ATP6V0A2: variants seen among roughly 807,000 people sequenced by gnomAD.
ATP6V0A2 encodes the protein ATPase H+ transporting V0 subunit a2.
Under a neutral mutation model 104.4 loss-of-function variants are expected in ATP6V0A2, and 58 were observed. That is an observed-to-expected ratio of 0.56 (90% CI 0.45 to 0.69). The LOEUF is 0.69. ATP6V0A2 is among the 30% of genes least tolerant of loss of function. The pLI is 0.00. For synonymous variants in ATP6V0A2, 376 were observed against 397.9 expected (o/e 0.95, Z 0.65); for missense variants, 938 against 1,062.9 (o/e 0.88, Z 1.63).
rs1956377604 is a variant in ATP6V0A2, at chr12:123,719,565, T to TA, written c.196+864_196+865insA. Among the ~76,000 whole-genome samples the TA allele has an allele frequency of 2.0e-5, 3 of 152,118 alleles. No homozygotes were observed. The South Asian group carries it at 6.2e-4, about 32-fold the overall frequency. On this transcript the variant is annotated intron_variant, in intron 2 of 19. Transcript: ENST00000330342. Reference sequence around the variant, plus strand: ...CCACACCTGGCTAATTTTTGTACTTTTAGTAGAGATGGGGTTTTACCATGT... The same window carrying TA: ...CCACACCTGGCTAATTTTTGTACTTTATAGTAGAGATGGGGTTTTACCATGT...
chr12:123,718,259 T>A (rs1203944646), intron 1 of ATP6V0A2, among the ~76,000 whole-genome samples: 1 of 151,924 alleles, frequency 6.6e-6, no homozygotes, highest in African/African-American at 2.4e-5. Context: ...CTTGGCTAAT[T>A]TTTGTGTTTT....
chr12:123,739,495 G>A (rs746145407), intron 9 of ATP6V0A2, among the ~76,000 whole-genome samples: 2 of 152,106 alleles, frequency 1.3e-5, no homozygotes, highest in Non-Finnish European at 2.9e-5. Context: ...CTGTCGCCAA[G>A]ATTGAATTTG....
chr12:123,729,537 G>A (rs73219053), intron 6 of ATP6V0A2, among the ~76,000 whole-genome samples: 5,733 of 152,040 alleles, frequency 0.038, 136 homozygotes, highest in Non-Finnish European at 0.058. Flanking sequence ...CTGTGGGGCC[G>A]AATGGTTCAG....
chr12:123,724,289 C>T (rs933195646), intron 3 of ATP6V0A2: 4 of 198,520 alleles, frequency 2.0e-5, no homozygotes, highest in Admixed American at 1.1e-4. Flanking sequence ...ACAGGGAGGC[C>T]GAGGCGGGTG....
In ATP6V0A2 at chr12:123,759,962, TG is replaced by T. The variant is rs1453777008; in HGVS notation, c.*1933del. The T allele has an allele frequency of 1.3e-5, 2 of 152,242 alleles. No individual in the cohort carries two copies. Among genetic ancestry groups the T allele is most frequent in the Non-Finnish European group, 2.9e-5 (2 of 68,044 alleles). 9.4% of individuals were successfully genotyped at this position (152,242 alleles called of 1,614,324 possible). A position where few individuals can be genotyped will look rare whatever the true frequency, so the allele number is the denominator to read the frequency against. ...AAGGTGTCATGTCGGGCACTTGTGT[TG>T]GGTGACTATGACATCCCAGCAGTGC... is the stretch of plus-strand genomic sequence containing the variant. On this transcript the variant is annotated 3_prime_UTR_variant, in exon 20 of 20. Transcript: ENST00000330342.
At chr12:123,714,203 G>T (rs565077107) in intron 1 of ATP6V0A2, among the ~76,000 whole-genome samples, 1 of 152,204 alleles carries the variant, frequency 6.6e-6, no homozygotes, top group Non-Finnish European at 1.5e-5. Context: ...GAAGGTTCCA[G>T]TTTCAATAAG....
intron 9 of ATP6V0A2, among the ~76,000 whole-genome samples, chr12:123,738,261 G>A (rs1956575096): frequency 6.6e-6 from 1 of 152,132 alleles, no homozygotes; most frequent in Non-Finnish European, 1.5e-5. Flanking sequence ...AATTAGCTGG[G>A]CGGGGTGGCA....
chr12:123,722,664 G>T, intron 3 of ATP6V0A2, among the ~76,000 whole-genome samples: 1 of 152,090 alleles, frequency 6.6e-6, no homozygotes, highest in East Asian at 1.9e-4. Context: ...TTCTTTTACA[G>T]TGTAAGGCAT....
chr12:123,738,493 C>A (rs974221162), intron 9 of ATP6V0A2, among the ~76,000 whole-genome samples: 2 of 152,022 alleles, frequency 1.3e-5, no homozygotes, highest in African/African-American at 4.8e-5. Flanking sequence ...TTTTTCTTAC[C>A]AATTTCTGTT....
chr12:123,746,204 G>A (rs1956660341), intron 13 of ATP6V0A2, among the ~76,000 whole-genome samples: 1 of 151,720 alleles, frequency 6.6e-6, no homozygotes, highest in South Asian at 2.1e-4. Flanking sequence ...TTTTTTTTGG[G>A]AGGCATAGGG....
intron 16 of ATP6V0A2, among the ~76,000 whole-genome samples, chr12:123,751,865 T>TC (rs1371078346): frequency 9.6e-5 from 14 of 146,512 alleles, no homozygotes; most frequent in East Asian, 2.0e-4. Flanking sequence ...TTTCTTTCTT[T>TC]TTTTTTTTTT....
At position 123,761,345 on chromosome 12, in the gene ATP6V0A2, C is replaced by T. The variant is rs1956820939; in HGVS notation, c.*3313C>T. 6.6e-6 allele frequency: 1 copy of T among 152,176 alleles called. No individual in the cohort carries two copies. Among genetic ancestry groups the T allele is most frequent in the Non-Finnish European group, 1.5e-5 (1 of 68,024 alleles). The allele number at this position is 152,176 out of a possible 1,614,324, so 9.4% of individuals were successfully genotyped here. On this transcript the variant is annotated 3_prime_UTR_variant, in exon 20 of 20. Transcript: ENST00000330342. ...CAACTTCTACACCTATTCTACAGTC[C>T]GCATTTAAAACAATAAATTCCTCTA...
intron 6 of ATP6V0A2, among the ~76,000 whole-genome samples, chr12:123,729,761 C>T (rs914748071): frequency 1.3e-5 from 2 of 152,190 alleles, no homozygotes; most frequent in East Asian, 3.9e-4. Flanking sequence ...GATTAATATA[C>T]ATCTCATAGT....
At chr12:123,733,744 C>G (rs372556183) in intron 6 of ATP6V0A2, 182 bp from the exon 7 acceptor site, 1 of 607,170 alleles carries the variant, frequency 1.6e-6, no homozygotes, top group South Asian at 1.9e-5. Flanking sequence ...GGAAGCGCTC[C>G]GTGGATTGGT....
chr12:123,757,318 A>G (rs748923601), intron 19 of ATP6V0A2, among the ~76,000 whole-genome samples: 10 of 152,050 alleles, frequency 6.6e-5, no homozygotes, highest in Non-Finnish European at 1.2e-4. Context: ...TCGTGCGCCT[A>G]TAATACCAGC....
At chr12:123,726,119 A>G in intron 4 of ATP6V0A2, 78 bp from the exon 5 acceptor site, 1 of 1,165,656 alleles carries the variant, frequency 8.6e-7, no homozygotes, top group African/African-American at 1.5e-5. Context: ...TGCCCTATAA[A>G]CTTGTTTGAA....
At position 123,748,729 on chromosome 12, in the gene ATP6V0A2, T is replaced by A. The variant is rs1207935541; in HGVS notation, c.1879T>A (p.Phe627Ile). 1.2e-6 allele frequency: 2 copies of A among 1,614,202 alleles called. No individual in the cohort carries two copies. Among genetic ancestry groups the A allele is most frequent in the East Asian group, 4.5e-5 (2 of 44,888 alleles). ...AGTTGCTCCCAGCATTCTGATTGAA[T>A]TTATTAACATGTTTTTATTCCCAGC... Reference protein sequence around the residue: ...SRVAPSILIEFINMFLFPASK... With the variant: ...SRVAPSILIEIINMFLFPASK... Residue 627 changes from phenylalanine to isoleucine, a missense_variant, in exon 15 of 20, where the codon TTT (phenylalanine) becomes ATT (isoleucine). Transcript: ENST00000330342.
Position 123,724,757 on chromosome 12 carries a change from G to C in ATP6V0A2, c.398G>C (p.Arg133Thr), listed in dbSNP as rs751125314. 6.2e-7 allele frequency: 1 copy of C among 1,613,792 alleles called. No individual in the cohort carries two copies. The highest frequency in any genetic ancestry group is 1.7e-5 in the Admixed American group (1 of 60,000). Residue 133 changes from arginine to threonine, a missense_variant, in exon 4 of 20, where the codon AGA (arginine) becomes ACA (threonine). Arg to Thr is a moderately conservative substitution (Grantham distance 71). Transcript: ENST00000330342. Reference sequence around the variant, plus strand: ...CTGATAGAGTACACTCACATGCTGAGAGTGACAAAGACCTTTGTGAAACGC... The same window carrying C: ...CTGATAGAGTACACTCACATGCTGACAGTGACAAAGACCTTTGTGAAACGC... ...LELIEYTHMLRVTKTFVKRNV... is the reference protein window; with the variant it reads ...LELIEYTHMLTVTKTFVKRNV...
In ATP6V0A2 at chr12:123,736,992, C is replaced by T. The variant is rs1201867333; in HGVS notation, c.826-67C>T. On this transcript the variant is annotated intron_variant, in intron 8 of 19. Transcript: ENST00000330342. ...GGGGAGAAAGTCCTCTAAGGGAAGT[C>T]GGGTGCCAGGTGGACAGAAACAAAA... The T allele has an allele frequency of 8.1e-6, 12 of 1,474,640 alleles. No homozygotes were observed. The African/African-American group carries it at 8.3e-5, about 10-fold the overall frequency. The allele number at this position is 1,474,640 out of a possible 1,614,324, so 91.3% of individuals were successfully genotyped here.
Sources: allele counts gnomAD v4.1 joint callset (sites outside exome capture counted in the v4.1 genomes callset), GRCh38; gene constraint gnomAD v4.1.1; transcripts MANE v1.5; gene names NCBI Gene and HGNC (gene_info 2026-07-23, HGNC 2026-07-21).